B3GAT2: variants seen among roughly 807,000 people sequenced by gnomAD.
B3GAT2 encodes the protein beta-1,3-glucuronyltransferase 2, also known as galactosylgalactosylxylosylprotein 3-beta-glucuronosyltransferase 2.
B3GAT2 carries 26 observed loss-of-function variants against 27.8 expected under a neutral mutation model. The ratio of observed to expected loss-of-function variants is 0.93; its 90% confidence interval spans 0.68 to 1.30. The LOEUF is 1.30. B3GAT2 is among the 50% of genes most tolerant of loss of function. The pLI is 0.00. For missense variants in B3GAT2, 458 were observed against 459.0 expected (o/e 1.00, Z 0.02); for synonymous variants, 218 against 195.1 (o/e 1.12, Z -0.98).
At chr6:70,949,456 C>G (rs988122050) in intron 1 of B3GAT2, among the ~76,000 whole-genome samples, 2 of 151,296 alleles carry the variant, frequency 1.3e-5, no homozygotes, top group Non-Finnish European at 3.0e-5. Flanking sequence ...TGAAAAAATG[C>G]TCAGCATCAC....
In B3GAT2 at chr6:70,914,649, A is replaced by G. The variant is rs940916181; in HGVS notation, c.592-20377T>C. On this transcript the variant is annotated intron_variant, in intron 1 of 3. Transcript: ENST00000230053. ...CAGCAAAAAATGCAACTTTTCTAAG[A>G]CTTTGAAAAGTTACTAGTAAACTGC... Among the ~76,000 whole-genome samples the G allele has an allele frequency of 1.9e-4, 29 of 152,240 alleles. 1 individual carries two copies. Among genetic ancestry groups the G allele is most frequent in the Admixed American group, 1.8e-3 (27 of 15,284 alleles).
At chr6:70,923,618 T>C (rs894888442) in intron 1 of B3GAT2, among the ~76,000 whole-genome samples, 1 of 152,108 alleles carries the variant, frequency 6.6e-6, no homozygotes, top group African/African-American at 2.4e-5. Flanking sequence ...AAGCCAGGAT[T>C]GCACCACTGT....
chr6:70,857,030 G>C lies in B3GAT2; in HGVS notation c.*4633C>G, dbSNP rs1281798187. 1.9e-6 allele frequency: 3 copies of C among 1,595,328 alleles called. No individual in the cohort carries two copies. Among genetic ancestry groups the C allele is most frequent in the African/African-American group, 2.7e-5 (2 of 74,226 alleles). On this transcript the variant is annotated 3_prime_UTR_variant, in exon 4 of 4. Coordinates refer to ENST00000230053, the MANE Select transcript of B3GAT2 (RefSeq NM_080742.3). ...AACCATTCAACAGCAAAGTACTCCT[G>C]GTAATGAATTTTGATATCTGCTTTC...
chr6:70,940,251 A>T (rs1220064368), intron 1 of B3GAT2, among the ~76,000 whole-genome samples: 1 of 152,094 alleles, frequency 6.6e-6, no homozygotes, highest in Non-Finnish European at 1.5e-5. Flanking sequence ...TATTAATGAA[A>T]ACTTAAGCAA....
At chr6:70,939,597 G>A (rs76018535) in intron 1 of B3GAT2, among the ~76,000 whole-genome samples, 71,343 of 151,162 alleles carry the variant, frequency 0.47, 17,385 homozygotes, top group East Asian at 0.68. Flanking sequence ...GTCCTTTGCA[G>A]GGACATGGAT....
At chr6:70,913,902 G>A (rs1650512677) in intron 1 of B3GAT2, among the ~76,000 whole-genome samples, 1 of 152,084 alleles carries the variant, frequency 6.6e-6, no homozygotes, top group Non-Finnish European at 1.5e-5. Flanking sequence ...CATATATTTA[G>A]GATATTTAAG....
intron 1 of B3GAT2, among the ~76,000 whole-genome samples, chr6:70,942,203 G>C (rs760043445): frequency 6.6e-6 from 1 of 152,298 alleles, no homozygotes; most frequent in South Asian, 2.1e-4. Flanking sequence ...AGACATGATA[G>C]TATCCAGGAA....
chr6:70,908,305 CA>C (rs1772632746), intron 1 of B3GAT2, among the ~76,000 whole-genome samples: 1 of 152,198 alleles, frequency 6.6e-6, no homozygotes, highest in Non-Finnish European at 1.5e-5. Context: ...ACCTGACTCA[CA>C]GGAAAGTGGA....
Position 70,917,747 on chromosome 6 carries a change from T to C in B3GAT2, c.592-23475A>G, listed in dbSNP as rs571083535. Among the ~76,000 whole-genome samples the C allele has an allele frequency of 5.3e-5, 8 of 151,920 alleles. No individual in the cohort carries two copies. The South Asian group carries it at 8.3e-4, about 16-fold the overall frequency. On this transcript the variant is annotated intron_variant, in intron 1 of 3. Transcript: ENST00000230053. ...AATCCTGAGTTCTAATTTGATTGCA[T>C]TGCGGTCTGAGAGACAGTTTGATGT...
chr6:70,897,771 C>T (rs1371051104), intron 1 of B3GAT2, among the ~76,000 whole-genome samples: 10 of 151,596 alleles, frequency 6.6e-5, no homozygotes. Context: ...AGACTATGAT[C>T]CATTTTCAGT....
In B3GAT2 at chr6:70,859,639, T is replaced by A. The variant is rs1771614789; in HGVS notation, c.*2024A>T. 6.5e-6 allele frequency: 2 copies of A among 308,694 alleles called. No individual in the cohort carries two copies. The highest frequency in any genetic ancestry group is 1.2e-5 in the Non-Finnish European group (2 of 169,364). 19.1% of individuals were successfully genotyped at this position (308,694 alleles called of 1,614,324 possible). A position where few individuals can be genotyped will look rare whatever the true frequency, so the allele number is the denominator to read the frequency against. On this transcript the variant is annotated 3_prime_UTR_variant, in exon 4 of 4. Coordinates refer to ENST00000230053, the MANE Select transcript of B3GAT2 (RefSeq NM_080742.3). ...TAAGAGAATCACAGGGTTAAGATGC[T>A]TATATATATATATATTTGACTCCAG...
intron 1 of B3GAT2, among the ~76,000 whole-genome samples, chr6:70,899,339 G>C (rs1772452291): frequency 6.6e-6 from 1 of 152,210 alleles, no homozygotes; most frequent in Non-Finnish European, 1.5e-5. Flanking sequence ...TAGGTAACCA[G>C]ATGAATCAAA....
intron 2 of B3GAT2, among the ~76,000 whole-genome samples, chr6:70,887,017 T>C (rs1772199922): frequency 6.6e-6 from 1 of 152,134 alleles, no homozygotes; most frequent in African/African-American, 2.4e-5. Context: ...ACATGACACA[T>C]CAAGTCACTC....
intron 2 of B3GAT2, 92 bp downstream of exon 2, chr6:70,894,035 GT>G: frequency 7.4e-7 from 1 of 1,346,550 alleles, no homozygotes. Context: ...ATCCAAATTT[GT>G]CTTTTAAAGC....
intron 1 of B3GAT2, among the ~76,000 whole-genome samples, chr6:70,929,161 G>A (rs1425947215): frequency 9.2e-5 from 14 of 151,730 alleles, no homozygotes; most frequent in African/African-American, 2.4e-5. Context: ...ATTGAACAAT[G>A]AGAACACTTG....
intron 2 of B3GAT2, among the ~76,000 whole-genome samples, chr6:70,872,663 G>GT (rs150058717): frequency 0.023 from 3,559 of 151,482 alleles, 51 homozygotes; most frequent in Non-Finnish European, 0.037. Context: ...TTTTGATTGG[G>GT]TTTTTTATCC....
At chr6:70,919,783 G>A (rs1772836059) in intron 1 of B3GAT2, among the ~76,000 whole-genome samples, 1 of 152,176 alleles carries the variant, frequency 6.6e-6, no homozygotes, top group Non-Finnish European at 1.5e-5. Flanking sequence ...CGTCCTAGAG[G>A]GGCACCCGCC....
intron 2 of B3GAT2, among the ~76,000 whole-genome samples, chr6:70,881,250 T>A (rs558068883): frequency 6.6e-6 from 1 of 152,290 alleles, no homozygotes; most frequent in Admixed American, 6.5e-5. Context: ...GAATCCTTGC[T>A]CTCCAATGAC....
At chr6:70,927,054 G>A (rs1345748545) in intron 1 of B3GAT2, among the ~76,000 whole-genome samples, 4 of 152,138 alleles carry the variant, frequency 2.6e-5, no homozygotes, top group Non-Finnish European at 5.9e-5. Flanking sequence ...TTTTAACCCA[G>A]AATTTCATAT....
Sources: allele counts gnomAD v4.1 joint callset (sites outside exome capture counted in the v4.1 genomes callset), GRCh38; gene constraint gnomAD v4.1.1; transcripts MANE v1.5; gene names NCBI Gene and HGNC (gene_info 2026-07-23, HGNC 2026-07-21).